TRIM37: variants seen among roughly 807,000 people sequenced by gnomAD.
TRIM37 encodes E3 ubiquitin-protein ligase TRIM37.
TRIM37 carries 80 observed loss-of-function variants against 129.8 expected under a neutral mutation model. That is an observed-to-expected ratio of 0.62 (90% CI 0.51 to 0.74). The LOEUF is 0.74. TRIM37 is among the 30% of genes least tolerant of loss of function. The pLI, the probability that TRIM37 is intolerant of heterozygous loss-of-function variation, is 0.00. For synonymous variants in TRIM37, 389 were observed against 387.1 expected, an observed-to-expected ratio of 1.00 and a Z score of -0.06; for missense variants, 1,054 against 1,176.5, an observed-to-expected ratio of 0.90 and a Z score of 1.52.
At chr17:59,000,021 A>C (rs1258830697) in intron 23 of TRIM37, among the ~76,000 whole-genome samples, 1 of 152,218 alleles carries the variant, frequency 6.6e-6, no homozygotes, top group Admixed American at 6.5e-5. Flanking sequence ...ATAAAGCAGA[A>C]AATGGCATAG....
downstream of TRIM37, chr17:58,979,886 GA>G: frequency 9.6e-7 from 1 of 1,037,522 alleles, no homozygotes; most frequent in East Asian, 2.5e-5. Context: ...AGTAAGCTGT[GA>G]TCAGAGTCAT....
At chr17:59,094,914 A>G (rs1044155197) in intron 2 of TRIM37, among the ~76,000 whole-genome samples, 1 of 152,174 alleles carries the variant, frequency 6.6e-6, no homozygotes, top group Non-Finnish European at 1.5e-5. Flanking sequence ...GTCTAGAGGT[A>G]GTGTTAAAAG....
chr17:59,040,655 C>T (rs1345345776), intron 17 of TRIM37, among the ~76,000 whole-genome samples: 1 of 152,018 alleles, frequency 6.6e-6, no homozygotes, highest in Non-Finnish European at 1.5e-5. Flanking sequence ...TAAGATTACC[C>T]AGGATTAAAG....
rs1173395089 is a variant in TRIM37 at position 59,081,947 on chromosome 17, A to T, written c.370-728T>A. Among the ~76,000 whole-genome samples the T allele has an allele frequency of 2.1e-3, 264 of 124,010 alleles. 2 individuals are homozygous for T. Among genetic ancestry groups the T allele is most frequent in the African/African-American group, 6.0e-3 (180 of 30,036 alleles). 81.4% of individuals were successfully genotyped at this position (124,010 alleles called of 152,430 possible). ...TTTAATAATAAAAACCAAAAAAAAA[A>T]AAAAATAAAAAAAAAAAAATAATAA... On this transcript the variant is annotated intron_variant, in intron 5 of 23. Coordinates refer to ENST00000262294, the MANE Select transcript of TRIM37 (RefSeq NM_015294.6).
At chr17:59,016,598 G>A in intron 20 of TRIM37, among the ~76,000 whole-genome samples, 2 of 50,044 alleles carry the variant, frequency 4.0e-5, no homozygotes, top group South Asian at 8.8e-4. Flanking sequence ...CCCTGTCTCG[G>A]CAAAAAAAAA....
At chr17:59,106,329 G>A (rs2045987840) in intron 1 of TRIM37, 112 bp downstream of exon 1, 1 of 1,285,208 alleles carries the variant, frequency 7.8e-7, no homozygotes, top group South Asian at 1.2e-5. Flanking sequence ...CACAGCGGCA[G>A]GGGCGGGGTA....
At chr17:58,993,172 T>C (rs1049274742) in intron 24 of TRIM37, among the ~76,000 whole-genome samples, 35 of 152,192 alleles carry the variant, frequency 2.3e-4, no homozygotes, top group Non-Finnish European at 3.1e-4. Flanking sequence ...CCACATGAGA[T>C]GTGCCTTTTA....
intron 22 of TRIM37, 112 bp from the exon 23 acceptor site, chr17:59,001,826 G>A (rs2033818546): frequency 6.9e-7 from 1 of 1,445,228 alleles, no homozygotes; most frequent in Non-Finnish European, 9.4e-7. Flanking sequence ...TACATGGAAT[G>A]CCAAGAATTC....
At chr17:58,978,741 A>C (rs553773470), downstream of TRIM37, among the ~76,000 whole-genome samples, 43 of 152,266 alleles carry the variant, frequency 2.8e-4, no homozygotes, top group South Asian at 2.3e-3. Context: ...CCCTTGTTGT[A>C]GTCATAAGCT....
In TRIM37 at chr17:59,031,944, A is replaced by G; in HGVS notation, c.1900T>C (p.Leu634=). 6.2e-7 allele frequency: 1 copy of G among 1,614,148 alleles called. No homozygotes were observed. Among genetic ancestry groups the G allele is most frequent in the South Asian group, 1.1e-5 (1 of 91,080 alleles). ...DLKDRSSIEN[L]WGLQPRPPAS... ...GGTGGGCGAGGCTGTAAGCCCCACA[A>G]ATTTTCTATACTGCTCCGGTCCTTA... Residue 634 remains leucine (L), a synonymous_variant, in exon 18 of 24, where the codon TTG becomes CTG. Coordinates refer to ENST00000262294, the MANE Select transcript of TRIM37 (RefSeq NM_015294.6).
rs555986843 is a variant in TRIM37, at chr17:59,080,577, C to T, written c.492+520G>A. ...GGAGGCCAAGGCAGGTGGATCACGA[C>T]GTCAGGAGTTTGAAACCAGCCTGGC... On this transcript the variant is annotated intron_variant, in intron 6 of 23. Transcript: ENST00000262294. 2.6e-5 allele frequency among the ~76,000 whole-genome samples: 4 copies of T among 152,162 alleles called. No individual in the cohort carries two copies. The South Asian group carries it at 6.2e-4, about 24-fold the overall frequency.
chr17:59,028,393 A>G, intron 19 of TRIM37, 22 bp downstream of exon 19: 2 of 1,605,474 alleles, frequency 1.2e-6, no homozygotes, highest in Non-Finnish European at 8.5e-7. Context: ...TGGAGAAATG[A>G]CACTGGGAAC....
chr17:58,980,957 G>A (rs776095186), downstream of TRIM37: 5 of 1,614,178 alleles, frequency 3.1e-6, no homozygotes, highest in East Asian at 8.9e-5. The surrounding 1 kb of genome is among the most constrained non-coding windows in gnomAD (Gnocchi z 4.7). Context: ...AGGGTACAGT[G>A]AAAACATGAG....
In TRIM37 at chr17:59,081,211, T is replaced by TCCG. The variant is rs778324263; in HGVS notation, c.375_377dup (p.Gly126dup). 1.4e-5 allele frequency: 22 copies of TCCG among 1,613,526 alleles called. No individual in the cohort carries two copies. Among genetic ancestry groups the TCCG allele is most frequent in the African/African-American group, 2.7e-5 (2 of 74,902 alleles). On this transcript the variant is annotated inframe_insertion, in exon 6 of 24. Transcript: ENST00000262294. ...TTTCTGCCAAAGGTTTAAAGGTATG[T>TCCG]CCGCCATGCTATTTAAATTAGAGTA... is the stretch of plus-strand genomic sequence containing the variant.
At chr17:59,022,114 T>C (rs2036676561) in intron 19 of TRIM37, among the ~76,000 whole-genome samples, 1 of 152,112 alleles carries the variant, frequency 6.6e-6, no homozygotes, top group Non-Finnish European at 1.5e-5. Flanking sequence ...AACATCTGAA[T>C]TTAATCTGTA....
At position 59,106,752 on chromosome 17, in the gene TRIM37, T is replaced by G; in HGVS notation, c.-291A>C. ...GCCGGCCAGCAGCCGCGCCGGAACCTCGGCCCACGTGACGCGGGCGCGCGC... is the reference window on the plus strand; with the variant it reads ...GCCGGCCAGCAGCCGCGCCGGAACCGCGGCCCACGTGACGCGGGCGCGCGC... On this transcript the variant is annotated 5_prime_UTR_variant, in exon 1 of 24. Transcript: ENST00000262294. 1.8e-6 allele frequency: 1 copy of G among 565,848 alleles called. No individual in the cohort carries two copies. Among genetic ancestry groups the G allele is most frequent in the Non-Finnish European group, 3.1e-6 (1 of 317,576 alleles). 35.1% of individuals were successfully genotyped at this position (565,848 alleles called of 1,614,324 possible). A position where few individuals can be genotyped will look rare whatever the true frequency, so the allele number is the denominator to read the frequency against.
intron 6 of TRIM37, 120 bp downstream of exon 6, chr17:59,080,977 A>G (rs1349842020): frequency 4.0e-6 from 2 of 504,248 alleles, no homozygotes; most frequent in Non-Finnish European, 5.6e-6. Flanking sequence ...GGTACAGCCT[A>G]TCAAATTTGC....
intron 2 of TRIM37, among the ~76,000 whole-genome samples, chr17:59,101,304 G>C (rs1297710316): frequency 3.3e-5 from 5 of 152,066 alleles, no homozygotes; most frequent in Admixed American, 3.3e-4. Context: ...CTGGGGAAAA[G>C]AAAGAGATAT....
rs573769942 is a variant in TRIM37, at chr17:58,998,686, C to T, written c.*691G>A. 117 of 985,264 alleles carry T rather than the reference C, an allele frequency of 1.2e-4. No homozygotes were observed. Among genetic ancestry groups the T allele is most frequent in the Non-Finnish European group, 1.3e-4 (111 of 829,928 alleles). The allele number at this position is 985,264 out of a possible 1,614,324, so 61.0% of individuals were successfully genotyped here. ...TGAAAGAATTTTAAATAATCTTACA[C>T]GTGTCTACAGGGCCAGGAACGTAAT... On this transcript the variant is annotated 3_prime_UTR_variant, in exon 24 of 24. Coordinates refer to ENST00000262294, the MANE Select transcript of TRIM37 (RefSeq NM_015294.6).
Sources: gnomAD v4.1 joint callset for allele counts (sites outside exome capture counted in the v4.1 genomes callset) on GRCh38, gnomAD v4.1.1 for gene constraint, Gnocchi (gnomAD v3.1) non-coding constraint, MANE v1.5 for transcripts, NCBI Gene and HGNC (gene_info 2026-07-23, HGNC 2026-07-21) for gene names.